Variants in TBKBP1 observed in about 807,000 individuals in gnomAD.
TBKBP1 encodes the protein TANK-binding kinase 1-binding protein 1.
Under a neutral mutation model 69.9 loss-of-function variants are expected in TBKBP1, and 47 were observed. The observed-to-expected ratio is 0.67, with a 90% CI of 0.53 to 0.86. The LOEUF is 0.86. Ranked by LOEUF, TBKBP1 falls within the 40% of genes least tolerant of loss-of-function variation. The probability of loss-of-function intolerance (pLI) is 0.00; values close to 1 mark genes in which losing one functional copy is unlikely to be tolerated. For missense variants in TBKBP1, 831 were observed against 858.6 expected (o/e 0.97, Z 0.40); for synonymous variants, 418 against 390.3 (o/e 1.07, Z -0.84).
chr17:47,699,412 G>A lies in TBKBP1; in HGVS notation c.727G>A (p.Ala243Thr). The A allele has an allele frequency of 6.4e-7, 1 of 1,565,718 alleles. No individual in the cohort carries two copies. The highest frequency in any genetic ancestry group is 8.6e-7 in the Non-Finnish European group (1 of 1,159,860). ...GGCCGCGCAGGGAGAGGCCCGGGGG[G>A]CTCAGCTCCGGGAGGAGCAGCTCCA... ...LEAAQGEARG[A>T]QLREEQLQAE... is the part of the protein sequence containing the mutation. The change falls in exon 6 of 10, where the codon GCT (alanine) becomes ACT (threonine). Residue 243 changes from alanine to threonine, a missense_variant. Transcript: ENST00000578982.
chr17:47,700,541 C>T (rs1434823693), intron 7 of TBKBP1, among the ~76,000 whole-genome samples: 1 of 151,866 alleles, frequency 6.6e-6, no homozygotes, highest in African/African-American at 2.4e-5. Flanking sequence ...TCCGTAGGGC[C>T]CCATTTTCTA....
chr17:47,707,544 T>G (rs369651306), intron 7 of TBKBP1, among the ~76,000 whole-genome samples: 50 of 152,316 alleles, frequency 3.3e-4, no homozygotes, highest in African/African-American at 1.2e-3. Flanking sequence ...GACGTAATCC[T>G]CACCATCAAG....
At chr17:47,696,022 TACC>T in intron 1 of TBKBP1, 54 bp from the exon 2 acceptor site, 1 of 999,396 alleles carries the variant, frequency 1.0e-6, no homozygotes, top group Non-Finnish European at 1.4e-6. Flanking sequence ...GGGAGAGGGG[TACC>T]AGGGACAAAC....
At position 47,708,925 on chromosome 17, in the gene TBKBP1, C is replaced by A; in HGVS notation, c.1192C>A (p.Arg398Ser). ...CTCCTGCCCGTCGCCCGTCCCGCAGCGCCGCTCGCCGGTGCCGCCGTCGTG... is the reference window on the plus strand; with the variant it reads ...CTCCTGCCCGTCGCCCGTCCCGCAGAGCCGCTCGCCGGTGCCGCCGTCGTG... ...SPSCPSPVPQRRSPVPPSCQS... is the reference protein window; with the variant it reads ...SPSCPSPVPQSRSPVPPSCQS... Residue 398 changes from arginine (R) to serine (S), a missense_variant, in exon 9 of 10, where the codon CGC (arginine) becomes AGC (serine). By Grantham distance (110) the Arg-to-Ser change is moderately radical. Coordinates refer to ENST00000578982, the MANE Select transcript of TBKBP1 (RefSeq NM_001394755.1). This position sits in a 1 kb window ranked among gnomAD's most constrained non-coding sequence, Gnocchi z 4.4. 1 of 1,296,034 alleles carries A rather than the reference C, an allele frequency of 7.7e-7. No individual in the cohort carries two copies. The highest frequency in any genetic ancestry group is 9.8e-7 in the Non-Finnish European group (1 of 1,016,690). The allele number at this position is 1,296,034 out of a possible 1,614,324, so 80.3% of individuals were successfully genotyped here.
chr17:47,702,795 G>A (rs1021680476), intron 7 of TBKBP1, among the ~76,000 whole-genome samples: 9 of 152,200 alleles, frequency 5.9e-5, no homozygotes, highest in Admixed American at 4.6e-4. Flanking sequence ...GAGGGAGGCG[G>A]TGGGAGCAGA....
At chr17:47,706,879 C>T (rs563271835) in intron 7 of TBKBP1, among the ~76,000 whole-genome samples, 5 of 134,628 alleles carry the variant, frequency 3.7e-5, no homozygotes, top group Admixed American at 2.9e-4. Flanking sequence ...ACGCACACAC[C>T]CCTACGCTCA....
At chr17:47,702,034 C>A (rs1215032015) in intron 7 of TBKBP1, among the ~76,000 whole-genome samples, 1 of 152,240 alleles carries the variant, frequency 6.6e-6, no homozygotes, top group African/African-American at 2.4e-5. Flanking sequence ...CTCTGGACAG[C>A]CCTAGTTTGG....
At chr17:47,707,854 C>T (rs2031750193) in intron 7 of TBKBP1, among the ~76,000 whole-genome samples, 1 of 152,216 alleles carries the variant, frequency 6.6e-6, no homozygotes, top group African/African-American at 2.4e-5. Context: ...CTATTCTATG[C>T]AGCAGGGTCC....
rs764818314 is a variant in TBKBP1, at chr17:47,708,366, C to T, written c.873-28C>T. The T allele has an allele frequency of 3.7e-6, 6 of 1,611,654 alleles. No individual in the cohort carries two copies. Among genetic ancestry groups the T allele is most frequent in the East Asian group, 4.5e-5 (2 of 44,880 alleles). On this transcript the variant is annotated intron_variant, in intron 7 of 9. Transcript: ENST00000578982. This position sits in a 1 kb window ranked among gnomAD's most constrained non-coding sequence, Gnocchi z 4.4. ...GGGACGGTAGACCCACTGCCCTTCT[C>T]GTCTTTCCCACTGCCCTCTGACTTC...
intron 9 of TBKBP1, among the ~76,000 whole-genome samples, chr17:47,710,130 C>T: frequency 6.6e-6 from 1 of 152,252 alleles, no homozygotes. Context: ...CCAAAATATA[C>T]TCCAAAGCCA....
In TBKBP1 at chr17:47,708,796, CGA is replaced by C; in HGVS notation, c.1065_1066del (p.Ala356GlyfsTer108). On this transcript the variant is annotated frameshift_variant, in exon 9 of 10. Coordinates refer to ENST00000578982, the MANE Select transcript of TBKBP1 (RefSeq NM_001394755.1). LOFTEE classifies it high-confidence loss of function. This position sits in a 1 kb window ranked among gnomAD's most constrained non-coding sequence, Gnocchi z 4.4. Reference protein sequence around the residue: ...PQCPSPSPPARAAPPCPPCQS... With the variant: ...PQCPSPSPPAXAAPPCPPCQS... ...GTGCCCCTCCCCCTCCCCGCCTGCC[CGA>C]GCGGCTCCCCCGTGCCCCCCGTGCC... 1 of 1,154,850 alleles carries C rather than the reference CGA, an allele frequency of 8.7e-7. No homozygotes were observed. The highest frequency in any genetic ancestry group is 1.2e-6 in the Non-Finnish European group (1 of 833,474). The allele number at this position is 1,154,850 out of a possible 1,614,324, so 71.5% of individuals were successfully genotyped here. A position where few individuals can be genotyped will look rare whatever the true frequency, so the allele number is the denominator to read the frequency against.
At chr17:47,695,467 C>CA (rs1555621179) in intron 1 of TBKBP1, 1 of 152,336 alleles carries the variant, frequency 6.6e-6, no homozygotes, top group Non-Finnish European at 1.5e-5. Flanking sequence ...CTGTGGGTCC[C>CA]AGGTCAGGGG....
In TBKBP1 at chr17:47,698,613, C is replaced by G. The variant is rs1350113515; in HGVS notation, c.472C>G (p.His158Asp). Residue 158 changes from histidine (H) to aspartate (D), a missense_variant, in exon 5 of 10, where the codon CAC becomes GAC. Physicochemically the swap from His to Asp is moderately conservative, Grantham distance 81. Coordinates refer to ENST00000578982, the MANE Select transcript of TBKBP1 (RefSeq NM_001394755.1). ...LREMRALVET[H>D]LRQICGLEQQ... ...TCTCCAGAGGGCCCTGGTGGAGACG[C>G]ACCTGCGTCAGATCTGTGGTTTGGA... is the stretch of plus-strand genomic sequence containing the variant. The G allele has an allele frequency of 6.3e-7, 1 of 1,595,400 alleles. No individual in the cohort carries two copies. The highest frequency in any genetic ancestry group is 1.1e-5 in the South Asian group (1 of 87,980).
chr17:47,696,373 TATGGG>T (rs760310153), intron 2 of TBKBP1, 36 bp downstream of exon 2: 100 of 1,597,456 alleles, frequency 6.3e-5, no homozygotes, highest in African/African-American at 8.1e-5. Context: ...TGATAGAGTG[TATGGG>T]ATGGGGAGGG....
Position 47,710,772 on chromosome 17 carries a change from C to T in TBKBP1, c.*146C>T, listed in dbSNP as rs2143378183. 1 of 1,210,490 alleles carries T rather than the reference C, an allele frequency of 8.3e-7. No individual in the cohort carries two copies. Among genetic ancestry groups the T allele is most frequent in the Non-Finnish European group, 1.2e-6 (1 of 868,250 alleles). 75.0% of individuals were successfully genotyped at this position (1,210,490 alleles called of 1,614,324 possible). On this transcript the variant is annotated 3_prime_UTR_variant, in exon 10 of 10. Transcript: ENST00000578982. ...CTTGCTACCGAGTCAACGTGTGTGC[C>T]ATCTTCCCTGGTCCAGGCACCACTC...
At position 47,710,678 on chromosome 17, in the gene TBKBP1, A is replaced by C. The variant is rs2031894833; in HGVS notation, c.*52A>C. On this transcript the variant is annotated 3_prime_UTR_variant, in exon 10 of 10. Coordinates refer to ENST00000578982, the MANE Select transcript of TBKBP1 (RefSeq NM_001394755.1). ...TCTCCGTCCTCTCCTATCACCCCCA[A>C]ACACTCACTTTGAATGCTGCATGAA... 6.4e-7 allele frequency: 1 copy of C among 1,568,958 alleles called. No homozygotes were observed. Among genetic ancestry groups the C allele is most frequent in the South Asian group, 1.1e-5 (1 of 88,540 alleles).
At chr17:47,700,998 TC>T (rs1191765345) in intron 7 of TBKBP1, among the ~76,000 whole-genome samples, 2 of 152,086 alleles carry the variant, frequency 1.3e-5, no homozygotes, top group Non-Finnish European at 2.9e-5. Flanking sequence ...TGGCACAGAC[TC>T]CCTACTCTAA....
intron 4 of TBKBP1, 112 bp from the exon 5 acceptor site, chr17:47,698,483 G>A: frequency 8.6e-7 from 1 of 1,158,716 alleles, no homozygotes; most frequent in East Asian, 2.7e-5. Context: ...CACTTGGAGA[G>A]TGGGCTTGGG....
In TBKBP1 at chr17:47,709,389, C is replaced by T. The variant is rs747777676; in HGVS notation, c.1656C>T (p.Pro552=). The change falls in exon 9 of 10, where the codon CCC becomes CCT. Residue 552 remains proline, a synonymous_variant. Coordinates refer to ENST00000578982, the MANE Select transcript of TBKBP1 (RefSeq NM_001394755.1). ...CCTTCTGCGCGGGCTTCCCCATCCCCGAGTCGCCCGCCGCCACCGCCTACG... is the reference window on the plus strand; with the variant it reads ...CCTTCTGCGCGGGCTTCCCCATCCCTGAGTCGCCCGCCGCCACCGCCTACG... ...CASFCAGFPI[P]ESPAATAYAH... is the part of the protein sequence containing the mutation. 32 of 1,533,282 alleles carry T rather than the reference C, an allele frequency of 2.1e-5. No individual in the cohort carries two copies. The highest frequency in any genetic ancestry group is 5.0e-5 in the East Asian group (2 of 40,208). 95.0% of individuals were successfully genotyped at this position (1,533,282 alleles called of 1,614,324 possible). A position where few individuals can be genotyped will look rare whatever the true frequency, so the allele number is the denominator to read the frequency against.
Sources: allele counts gnomAD v4.1 joint callset (sites outside exome capture counted in the v4.1 genomes callset), GRCh38; gene constraint gnomAD v4.1.1; non-coding constraint Gnocchi (gnomAD v3.1); transcripts MANE v1.5; gene names NCBI Gene and HGNC (gene_info 2026-07-23, HGNC 2026-07-21).